Variants in ADAM7 observed in about 807,000 individuals in gnomAD.
The protein encoded by ADAM7 is disintegrin and metalloproteinase domain-containing protein 7.
In ADAM7, 97 loss-of-function variants were observed where a neutral mutation model predicts 102.9. The observed-to-expected ratio is 0.94, with a 90% CI of 0.80 to 1.12. ADAM7 has a LOEUF of 1.12. Among genes scored for constraint, ADAM7 ranks in the 50% most tolerant of loss-of-function variants. The pLI is 0.00. For synonymous variants in ADAM7, 334 were observed against 304.4 expected (o/e 1.10, Z -1.01); for missense variants, 991 against 908.7 (o/e 1.09, Z -1.16).
At chr8:24,458,743 G>T (rs1026976745) in intron 3 of ADAM7, among the ~76,000 whole-genome samples, 2 of 152,030 alleles carry the variant, frequency 1.3e-5, no homozygotes, top group Non-Finnish European at 2.9e-5. Flanking sequence ...AAGGGAAAGT[G>T]TTCAGTATTA....
intron 13 of ADAM7, among the ~76,000 whole-genome samples, chr8:24,491,297 C>G (rs551712662): frequency 1.6e-4 from 24 of 152,150 alleles, no homozygotes; most frequent in Non-Finnish European, 2.9e-4. Flanking sequence ...AACCAGAAAC[C>G]CCAATGGCTC....
At chr8:24,501,165 T>C (rs1820746512) in intron 19 of ADAM7, among the ~76,000 whole-genome samples, 1 of 152,188 alleles carries the variant, frequency 6.6e-6, no homozygotes, top group Admixed American at 6.5e-5. Context: ...TGTTATTGGG[T>C]ATGACTTGAG....
chr8:24,482,155 TA>T lies in ADAM7; in HGVS notation c.722del (p.Asn241ThrfsTer4), dbSNP rs1266855934. On this transcript the variant is annotated frameshift_variant, in exon 9 of 22. Coordinates refer to ENST00000175238, the MANE Select transcript of ADAM7 (RefSeq NM_003817.4). LOFTEE classifies it high-confidence loss of function. ...TTCTTTGAACAGATTTATAAAACCT[TA>T]AACATCCATGTGACGTTGGTTGGCA... ...VNFVNMIYKT[L>X]NIHVTLVGIE... is the part of the protein sequence containing the mutation. 1.3e-6 allele frequency: 2 copies of T among 1,584,382 alleles called. No individual in the cohort carries two copies. The highest frequency in any genetic ancestry group is 1.7e-6 in the Non-Finnish European group (2 of 1,171,686).
In ADAM7 at chr8:24,500,858, C is replaced by A; in HGVS notation, c.2071C>A (p.Arg691Ser). 1.2e-6 allele frequency: 2 copies of A among 1,612,856 alleles called. No homozygotes were observed. The highest frequency in any genetic ancestry group is 1.7e-6 in the Non-Finnish European group (2 of 1,179,316). ...VGIGVLILLV[R>S]YRKCIKLKQV... is the part of the protein sequence containing the mutation. ...TATCGGAGTTCTTATACTATTAGTT[C>A]GTTACCGAAAATGTATCAAGTTGAA... The change falls in exon 19 of 22, where the codon CGT becomes AGT. Residue 691 changes from arginine to serine, a missense_variant. By Grantham distance (110) the Arg-to-Ser change is moderately radical (BLOSUM62 -1). Coordinates refer to ENST00000175238, the MANE Select transcript of ADAM7 (RefSeq NM_003817.4).
chr8:24,447,232 A>G lies in ADAM7; in HGVS notation c.203A>G (p.Lys68Arg), dbSNP rs1384704353. 6.5e-7 allele frequency: 1 copy of G among 1,540,518 alleles called. No homozygotes were observed. The highest frequency in any genetic ancestry group is 8.9e-7 in the Non-Finnish European group (1 of 1,127,632). ...ELLYEIKLNRKTLVLHLLRSR... is the reference protein window; with the variant it reads ...ELLYEIKLNRRTLVLHLLRSR... ...TTGTATGAAATAAAACTAAATAGAA[A>G]AACCTTAGTCCTTCATCTTCTAAGA... Residue 68 changes from lysine to arginine, a missense_variant, in exon 3 of 22, where the codon AAA becomes AGA. Lys to Arg is a conservative substitution (Grantham distance 26, BLOSUM62 2). Transcript: ENST00000175238.
intron 20 of ADAM7, 104 bp from the exon 21 acceptor site, chr8:24,507,372 CGTGT>C (rs1820986932): frequency 5.0e-6 from 4 of 799,042 alleles, no homozygotes; most frequent in Non-Finnish European, 8.3e-6. Context: ...AGGTGGCCTG[CGTGT>C]GTATGTGCTC....
At chr8:24,464,480 A>T (rs1353034193) in intron 4 of ADAM7, among the ~76,000 whole-genome samples, 1 of 152,114 alleles carries the variant, frequency 6.6e-6, no homozygotes. Context: ...TACAGATTTT[A>T]TTTTTACATC....
chr8:24,482,107 T>C, intron 8 of ADAM7, 35 bp from the exon 9 acceptor site: 1 of 1,497,862 alleles, frequency 6.7e-7, no homozygotes, highest in Non-Finnish European at 9.0e-7. Flanking sequence ...TTCCAGCAAC[T>C]TGACTTTGTG....
chr8:24,447,237 T>A lies in ADAM7; in HGVS notation c.208T>A (p.Leu70Ile). 4.6e-6 allele frequency: 7 copies of A among 1,532,364 alleles called. No homozygotes were observed. The highest frequency in any genetic ancestry group is 6.2e-6 in the Non-Finnish European group (7 of 1,122,188). 94.9% of individuals were successfully genotyped at this position (1,532,364 alleles called of 1,614,324 possible). The change falls in exon 3 of 22, where the codon TTA becomes ATA. Residue 70 changes from leucine to isoleucine, a missense_variant. Transcript: ENST00000175238. ...LYEIKLNRKT[L>I]VLHLLRSREF... is the part of the protein sequence containing the mutation. ...TGAAATAAAACTAAATAGAAAAACC[T>A]TAGTCCTTCATCTTCTAAGATCCAG...
In ADAM7 at chr8:24,482,157, A is replaced by G. The variant is rs1819973348; in HGVS notation, c.721A>G (p.Asn241Asp). ...CTTTGAACAGATTTATAAAACCTTA[A>G]ACATCCATGTGACGTTGGTTGGCAT... ...NFVNMIYKTL[N>D]IHVTLVGIEI... The change falls in exon 9 of 22, where the codon AAC (asparagine) becomes GAC (aspartate). Residue 241 changes from asparagine (N) to aspartate (D), a missense_variant. Transcript: ENST00000175238. 6.3e-7 allele frequency: 1 copy of G among 1,584,602 alleles called. No homozygotes were observed. The highest frequency in any genetic ancestry group is 2.0e-5 in the Admixed American group (1 of 50,790).
chr8:24,487,329 A>G lies in ADAM7; in HGVS notation c.1091+12A>G. 1.2e-6 allele frequency: 2 copies of G among 1,612,872 alleles called. No homozygotes were observed. Among genetic ancestry groups the G allele is most frequent in the Non-Finnish European group, 1.7e-6 (2 of 1,179,326 alleles). On this transcript the variant is annotated intron_variant, in intron 11 of 21. Coordinates refer to ENST00000175238, the MANE Select transcript of ADAM7 (RefSeq NM_003817.4). ...GACAGTGATGGAAGGTGAGATTCGA[A>G]CAATGTACAGAATACACTTACATAA...
At chr8:24,487,049 A>G in intron 10 of ADAM7, 138 bp from the exon 11 acceptor site, 1 of 838,730 alleles carries the variant, frequency 1.2e-6, no homozygotes, top group Non-Finnish European at 1.7e-6. Flanking sequence ...GGAGAGAAGT[A>G]ACTGAGTCCA....
chr8:24,506,045 G>T (rs781542700), intron 20 of ADAM7: 2 of 1,343,510 alleles, frequency 1.5e-6, no homozygotes, highest in Admixed American at 2.0e-5. Flanking sequence ...TTCAGTATTG[G>T]TATATTTACT....
At chr8:24,492,944 C>A (rs562126029) in intron 15 of ADAM7, 99 bp from the exon 16 acceptor site, 2 of 1,267,344 alleles carry the variant, frequency 1.6e-6, no homozygotes, top group African/African-American at 3.0e-5. Context: ...GGCAAGAAAC[C>A]TGGATCTAGA....
intron 3 of ADAM7, among the ~76,000 whole-genome samples, chr8:24,453,064 C>G (rs1053130007): frequency 1.3e-5 from 2 of 151,552 alleles, no homozygotes; most frequent in African/African-American, 2.4e-5. Flanking sequence ...CCCGACCTTT[C>G]TCTCTGGCTG....
chr8:24,478,534 TC>T (rs1185391531), intron 8 of ADAM7, among the ~76,000 whole-genome samples: 1 of 152,150 alleles, frequency 6.6e-6, no homozygotes, highest in Non-Finnish European at 1.5e-5. Flanking sequence ...CTAGTGAAAT[TC>T]ATCATAGTCA....
At chr8:24,472,809 A>C (rs1819650001) in intron 7 of ADAM7, among the ~76,000 whole-genome samples, 1 of 152,116 alleles carries the variant, frequency 6.6e-6, no homozygotes, top group African/African-American at 2.4e-5. Context: ...GGAGTAGTTC[A>C]ACAGAGCCAA....
chr8:24,488,689 A>G (rs1820230043), intron 11 of ADAM7, among the ~76,000 whole-genome samples: 1 of 152,152 alleles, frequency 6.6e-6, no homozygotes, highest in Admixed American at 6.5e-5. Flanking sequence ...TTACATTCCT[A>G]TGGATGTGTA....
In ADAM7 at chr8:24,442,529, C is replaced by A. The variant is rs1818410025; in HGVS notation, c.109C>A (p.Leu37Met). ...QQLVRPKKLP[L>M]IQKRDTGHTH... ...ACTGGTTCGTCCTAAAAAGCTTCCT[C>A]TGATACAGAAGCGAGATACTGGACA... Residue 37 changes from leucine to methionine, a missense_variant, in exon 2 of 22, where the codon CTG (leucine) becomes ATG (methionine). Physicochemically the swap from Leu to Met is conservative, Grantham distance 15. Transcript: ENST00000175238. 2.5e-6 allele frequency: 4 copies of A among 1,614,108 alleles called. No individual in the cohort carries two copies. In the African/African-American group the frequency reaches 4.0e-5, roughly 16 times the overall value.
Sources: allele counts gnomAD v4.1 joint callset (sites outside exome capture counted in the v4.1 genomes callset), GRCh38; gene constraint gnomAD v4.1.1; transcripts MANE v1.5; gene names NCBI Gene and HGNC (gene_info 2026-07-23, HGNC 2026-07-21).